TTC28: variants seen among roughly 807,000 people sequenced by gnomAD.
TTC28 encodes the protein tetratricopeptide repeat protein 28.
In TTC28, 61 loss-of-function variants were observed where a neutral mutation model predicts 198.0. That is an observed-to-expected ratio of 0.31 (90% CI 0.25 to 0.38). The LOEUF (loss-of-function observed/expected upper bound fraction) is 0.38. Ranked by LOEUF, TTC28 falls within the 10% of genes least tolerant of loss-of-function variation. The probability of loss-of-function intolerance (pLI) is 1.00; values close to 1 mark genes in which losing one functional copy is unlikely to be tolerated. For missense variants in TTC28, 2,678 were observed against 3,164.0 expected, an observed-to-expected ratio of 0.85 and a Z score of 3.69; for synonymous variants, 1,171 against 1,297.8, an observed-to-expected ratio of 0.90 and a Z score of 2.10.
chr22:28,509,878 T>C (rs1295849373), intron 2 of TTC28, among the ~76,000 whole-genome samples: 2 of 151,702 alleles, frequency 1.3e-5, no homozygotes, highest in South Asian at 2.1e-4. Context: ...CAAACAACCA[T>C]CAGAGAATGC....
At chr22:28,616,565 A>C (rs963160195) in intron 2 of TTC28, among the ~76,000 whole-genome samples, 2 of 152,228 alleles carry the variant, frequency 1.3e-5, no homozygotes, top group South Asian at 2.1e-4. Context: ...GAATTCTGTC[A>C]TCACAGACAG....
chr22:28,452,215 C>G (rs1214759262), intron 2 of TTC28, among the ~76,000 whole-genome samples: 2 of 151,580 alleles, frequency 1.3e-5, no homozygotes, highest in Non-Finnish European at 2.9e-5. Context: ...TGGTGAAACC[C>G]CATCTCTACT....
At chr22:28,533,066 G>A (rs145407234) in intron 2 of TTC28, among the ~76,000 whole-genome samples, 6,854 of 152,202 alleles carry the variant, frequency 0.045, 257 homozygotes, top group Admixed American at 0.12. Flanking sequence ...GGGCAATCAG[G>A]CAGGAGAAAG....
At chr22:28,064,280 G>T (rs1434766808) in intron 12 of TTC28, among the ~76,000 whole-genome samples, 1 of 152,106 alleles carries the variant, frequency 6.6e-6, no homozygotes, top group Non-Finnish European at 1.5e-5. Flanking sequence ...TGCTGTCTTG[G>T]GAGTCTGGTG....
At position 27,983,762 on chromosome 22, in the gene TTC28, G is replaced by A. The variant is rs1369341155; in HGVS notation, c.5905C>T (p.Pro1969Ser). 1.9e-6 allele frequency: 3 copies of A among 1,551,704 alleles called. No individual in the cohort carries two copies. The highest frequency in any genetic ancestry group is 8.7e-7 in the Non-Finnish European group (1 of 1,147,006). The change falls in exon 23 of 23, where the codon CCC becomes TCC. Residue 1969 changes from proline (P) to serine (S), a missense_variant. Physicochemically the swap from Pro to Ser is moderately conservative, Grantham distance 74. Coordinates refer to ENST00000397906, the MANE Select transcript of TTC28 (RefSeq NM_001145418.2). ...AAGGGGGGTTGCTGGTAACCCAAGG[G>A]CAGGGCGTTGGAAACAGACTGAGCA... ...ASAQSVSNAL[P>S]LGYQQPPFSP...
At chr22:28,066,877 A>C (rs1940775972) in intron 12 of TTC28, among the ~76,000 whole-genome samples, 1 of 152,002 alleles carries the variant, frequency 6.6e-6, no homozygotes, top group Non-Finnish European at 1.5e-5. Flanking sequence ...CATCTCCCTA[A>C]GTGTGGCACT....
chr22:28,099,500 TA>T (rs1942078361), intron 9 of TTC28, among the ~76,000 whole-genome samples: 1 of 152,236 alleles, frequency 6.6e-6, no homozygotes, highest in African/African-American at 2.4e-5. Context: ...TTTTTCCAGC[TA>T]CCTGCCACTC....
In TTC28 at chr22:27,983,534, T is replaced by C. The variant is rs752587750; in HGVS notation, c.6133A>G (p.Thr2045Ala). The C allele has an allele frequency of 1.3e-5, 20 of 1,551,154 alleles. No homozygotes were observed. The highest frequency in any genetic ancestry group is 1.7e-5 in the Non-Finnish European group (19 of 1,146,868). Residue 2045 changes from threonine to alanine, a missense_variant, in exon 23 of 23, where the codon ACC (threonine) becomes GCC (alanine). This residue lies in a region of TTC28 where 622 missense variants were observed against 656.0 expected (regional missense o/e 0.95). Transcript: ENST00000397906. The stretch of plus-strand genomic sequence containing the variant: ...TCATCTTTGTTGCCTGCAGGGCGGG[T>C]CTGGGGAGGCAGCTGGCTCCTAGGC... ...TLPRSQLPPQ[T>A]RPAGNKDEEE... is the part of the protein sequence containing the mutation.
intron 5 of TTC28, among the ~76,000 whole-genome samples, chr22:28,242,794 T>A (rs1473772148): frequency 6.6e-6 from 1 of 152,078 alleles, no homozygotes; most frequent in Non-Finnish European, 1.5e-5. Context: ...CTGTGACCAA[T>A]AATATGAAAG....
intron 2 of TTC28, among the ~76,000 whole-genome samples, chr22:28,459,128 T>C (rs1403891545): frequency 6.6e-6 from 1 of 151,812 alleles, no homozygotes; most frequent in Non-Finnish European, 1.5e-5. Context: ...TCTCCTTTTT[T>C]TCTAAAAGAA....
chr22:28,072,637 T>TA (rs955438496), intron 12 of TTC28, among the ~76,000 whole-genome samples: 5 of 152,284 alleles, frequency 3.3e-5, no homozygotes, highest in Non-Finnish European at 7.4e-5. Context: ...CCCCCCTGTG[T>TA]AAGCAATTCC....
chr22:27,983,489 A>G lies in TTC28; in HGVS notation c.6178T>C (p.Ser2060Pro). ...NKDEEEYEGFSIISNEPLATY... is the reference protein window; with the variant it reads ...NKDEEEYEGFPIISNEPLATY... ...GCCAAGGGCTCGTTACTGATGATAGAAAACCCTTCATATTCTTCTTCATCT... is the reference window on the plus strand; with the variant it reads ...GCCAAGGGCTCGTTACTGATGATAGGAAACCCTTCATATTCTTCTTCATCT... The change falls in exon 23 of 23, where the codon TCT (serine) becomes CCT (proline). Residue 2060 changes from serine (S) to proline (P), a missense_variant. Around this residue, in one of 8 missense-constraint regions of TTC28, gnomAD observed 622 missense variants for 656.0 expected, o/e 0.95. Coordinates refer to ENST00000397906, the MANE Select transcript of TTC28 (RefSeq NM_001145418.2). 1 of 1,547,394 alleles carries G rather than the reference A, an allele frequency of 6.5e-7. No homozygotes were observed. Among genetic ancestry groups the G allele is most frequent in the Non-Finnish European group, 8.7e-7 (1 of 1,145,886 alleles).
intron 22 of TTC28, among the ~76,000 whole-genome samples, chr22:27,984,346 C>T (rs1432004209): frequency 2.0e-5 from 3 of 152,198 alleles, no homozygotes; most frequent in Admixed American, 1.3e-4. Context: ...GTTTTAGTCC[C>T]TATCATTCTT....
chr22:28,056,068 A>T (rs1940275638), intron 12 of TTC28: 1 of 152,220 alleles, frequency 6.6e-6, no homozygotes, highest in African/African-American at 2.4e-5. Flanking sequence ...TTACAGTGAA[A>T]AGTGAAACAT....
chr22:28,175,978 C>T (rs1033168593), intron 5 of TTC28, among the ~76,000 whole-genome samples: 3 of 152,084 alleles, frequency 2.0e-5, no homozygotes, highest in Non-Finnish European at 2.9e-5. Flanking sequence ...TAAACCAGTA[C>T]AACTATTATA....
chr22:28,671,890 G>A (rs2051893876), intron 1 of TTC28, among the ~76,000 whole-genome samples: 1 of 151,700 alleles, frequency 6.6e-6, no homozygotes, highest in Non-Finnish European at 1.5e-5. Flanking sequence ...TGCCCAGGCT[G>A]GTCTCGAACT....
chr22:28,591,727 T>C (rs1160664373), intron 2 of TTC28, among the ~76,000 whole-genome samples: 1 of 152,184 alleles, frequency 6.6e-6, no homozygotes, highest in Non-Finnish European at 1.5e-5. Context: ...ATACCTTTTT[T>C]TATAGTGTCT....
chr22:28,460,508 G>T (rs2047932009), intron 2 of TTC28, among the ~76,000 whole-genome samples: 1 of 151,702 alleles, frequency 6.6e-6, no homozygotes, highest in Non-Finnish European at 1.5e-5. Context: ...CTGCCCAAAA[G>T]AATATCTAGG....
At chr22:28,110,179 T>A (rs374006809) in intron 6 of TTC28, among the ~76,000 whole-genome samples, 13 of 152,162 alleles carry the variant, frequency 8.5e-5, no homozygotes, top group African/African-American at 3.1e-4. Context: ...GGTGAGTCTG[T>A]GGGGACCACT....
Sources: allele counts gnomAD v4.1 joint callset (sites outside exome capture counted in the v4.1 genomes callset), GRCh38; gene constraint gnomAD v4.1.1; regional missense constraint gnomAD v4.1.1; transcripts MANE v1.5; gene names NCBI Gene and HGNC (gene_info 2026-07-23, HGNC 2026-07-21).